Variants in ACP5 observed in about 807,000 individuals in gnomAD.
The protein encoded by ACP5 is tartrate-resistant acid phosphatase type 5.
Under a neutral mutation model 28.7 loss-of-function variants are expected in ACP5, and 24 were observed. The observed-to-expected ratio is 0.84, with a 90% CI of 0.61 to 1.18. The LOEUF (loss-of-function observed/expected upper bound fraction) is 1.18. Ranked by LOEUF, ACP5 falls within the 50% of genes most tolerant of loss-of-function variation. The probability of loss-of-function intolerance (pLI) is 0.00; values close to 1 mark genes in which losing one functional copy is unlikely to be tolerated. For missense variants in ACP5, 354 were observed against 422.2 expected (o/e 0.84, Z 1.42); for synonymous variants, 154 against 181.4 (o/e 0.85, Z 1.21).
chr19:11,575,159 C>A lies in ACP5; in HGVS notation c.829G>T (p.Gly277Cys). Residue 277 changes from glycine to cysteine, a missense_variant, in exon 5 of 5, where the codon GGC becomes TGC. Gly to Cys is a radical substitution (Grantham distance 159). Coordinates refer to ENST00000648477, the MANE Select transcript of ACP5 (RefSeq NM_001611.5). ...SKRHQRKVPNGYLRFHYGTED... is the reference protein window; with the variant it reads ...SKRHQRKVPNCYLRFHYGTED... ...GTCCCATAGTGGAAGCGCAGATAGC[C>A]GTTGGGGACCTTGCGCTGGTGCCGC... 2 of 1,614,172 alleles carry A rather than the reference C, an allele frequency of 1.2e-6. No individual in the cohort carries two copies. Among genetic ancestry groups the A allele is most frequent in the Non-Finnish European group, 8.5e-7 (1 of 1,180,042 alleles).
upstream of ACP5, chr19:11,577,732 T>C: frequency 1.1e-5 from 3 of 272,284 alleles, no homozygotes; most frequent in African/African-American, 2.2e-5. The surrounding 1 kb of genome is among the most constrained non-coding windows in gnomAD (Gnocchi z 5.7). Context: ...CCGAGGGCTG[T>C]CCCGGGAGCC....
rs942828711 is a variant in ACP5, at chr19:11,577,526, G to A, written c.-1+67C>T. On this transcript the variant is annotated intron_variant, in intron 1 of 4. Transcript: ENST00000648477. This position sits in a 1 kb window ranked among gnomAD's most constrained non-coding sequence, Gnocchi z 5.7. ...AGGGGGGCGCGGTCTGTGAGAGGGC[G>A]AGCTGTACCAAGATGGCCCTGCAGG... The A allele has an allele frequency of 1.7e-5, 11 of 639,350 alleles. No homozygotes were observed. The highest frequency in any genetic ancestry group is 9.0e-5 in the African/African-American group (5 of 55,468). 39.6% of individuals were successfully genotyped at this position (639,350 alleles called of 1,614,324 possible).
In ACP5 at chr19:11,577,122, T is replaced by A; in HGVS notation, c.196A>T (p.Ile66Phe). 6.2e-7 allele frequency: 1 copy of A among 1,614,136 alleles called. No homozygotes were observed. Among genetic ancestry groups the A allele is most frequent in the Non-Finnish European group, 8.5e-7 (1 of 1,180,018 alleles). Residue 66 changes from isoleucine to phenylalanine, a missense_variant, in exon 2 of 5, where the codon ATC (isoleucine) becomes TTC (phenylalanine). Transcript: ENST00000648477. This position sits in a 1 kb window ranked among gnomAD's most constrained non-coding sequence, Gnocchi z 5.7. ...RTVQILGADF[I>F]LSLGDNFYFT... ...TAAAAATTGTCCCCTAGAGACAGGATGAAGTCTGCACCCAGGATCTGCACA... is the reference window on the plus strand; with the variant it reads ...TAAAAATTGTCCCCTAGAGACAGGAAGAAGTCTGCACCCAGGATCTGCACA...
Position 11,576,319 on chromosome 19 carries a change from A to T in ACP5, c.659T>A (p.Leu220Gln). 6.2e-7 allele frequency: 1 copy of T among 1,611,680 alleles called. No individual in the cohort carries two copies. Residue 220 changes from leucine (L) to glutamine (Q), a missense_variant, in exon 4 of 5, where the codon CTG becomes CAG. Physicochemically the swap from Leu to Gln is moderately radical, Grantham distance 113. Transcript: ENST00000648477. ...CAGCAGTGGCCGTAGCTGCTTGACCAGGCAGTGGGTAGGCCCGTGCTCGGC... is the reference window on the plus strand; with the variant it reads ...CAGCAGTGGCCGTAGCTGCTTGACCTGGCAGTGGGTAGGCCCGTGCTCGGC... ...SIAEHGPTHC[L>Q]VKQLRPLLAT... is the part of the protein sequence containing the mutation.
chr19:11,577,321 G>A lies in ACP5; in HGVS notation c.1-4C>T, dbSNP rs762234725. ...GCAGCGCCGTCCACATGTCCATCTG[G>A]GAGAAGAGAGACAAGCATAGGTGGC... On this transcript the variant is annotated splice_region_variant and splice_polypyrimidine_tract_variant and intron_variant, in intron 1 of 4. Coordinates refer to ENST00000648477, the MANE Select transcript of ACP5 (RefSeq NM_001611.5). The surrounding 1 kb of genome is among the most constrained non-coding windows in gnomAD (Gnocchi z 5.7). The A allele has an allele frequency of 1.2e-6, 2 of 1,613,488 alleles. No homozygotes were observed. The highest frequency in any genetic ancestry group is 3.3e-5 in the Admixed American group (2 of 59,912).
chr19:11,575,902 G>C (rs1165043131), intron 4 of ACP5, among the ~76,000 whole-genome samples: 1 of 150,986 alleles, frequency 6.6e-6, no homozygotes, highest in East Asian at 1.9e-4. Context: ...TACTCTGGAG[G>C]CTGAAGTGGG....
chr19:11,575,450 G>A (rs930927302), intron 4 of ACP5, 198 bp from the exon 5 acceptor site: 13 of 651,846 alleles, frequency 2.0e-5, no homozygotes, highest in African/African-American at 2.0e-4. Flanking sequence ...GTGGCCAGGT[G>A]TGGTGGCTCA....
In ACP5 at chr19:11,575,287, A is replaced by G. The variant is rs184900834; in HGVS notation, c.736-35T>C. 9 of 1,612,450 alleles carry G rather than the reference A, an allele frequency of 5.6e-6. No homozygotes were observed. In the Admixed American group the frequency reaches 1.2e-4, roughly 21 times the overall value. ...GAGGACAAGGGGTCAGTGGAGACCC[A>G]GCTTTGAGCAGAGCCCTGCCTAAGG... is the stretch of plus-strand genomic sequence containing the variant. On this transcript the variant is annotated intron_variant, in intron 4 of 4. Transcript: ENST00000648477.
Position 11,574,954 on chromosome 19 carries a change from G to C in ACP5, c.*56C>G. On this transcript the variant is annotated 3_prime_UTR_variant, in exon 5 of 5. Transcript: ENST00000648477. ...CCTGCCTGTGAGCAGGGTCCCGGCA[G>C]GGCCCACCCACCCAACAGTGGAGAT... is the stretch of plus-strand genomic sequence containing the variant. 6.2e-7 allele frequency: 1 copy of C among 1,610,464 alleles called. No homozygotes were observed. The highest frequency in any genetic ancestry group is 8.5e-7 in the Non-Finnish European group (1 of 1,177,782).
At position 11,576,800 on chromosome 19, in the gene ACP5, A is replaced by G. The variant is rs748777525; in HGVS notation, c.305T>C (p.Val102Ala). The change falls in exon 3 of 5, where the codon GTG becomes GCG. Residue 102 changes from valine to alanine, a missense_variant. Coordinates refer to ENST00000648477, the MANE Select transcript of ACP5 (RefSeq NM_001611.5). ...DVFSDRSLRK[V>A]PWYVLAGNHD... is the part of the protein sequence containing the mutation. The stretch of plus-strand genomic sequence containing the variant: ...GTTTCCGGCTAGCACGTACCAGGGC[A>G]CTTTGCGAAGGGAGCGGTCAGAGAA... 3 of 1,614,142 alleles carry G rather than the reference A, an allele frequency of 1.9e-6. No individual in the cohort carries two copies. Among genetic ancestry groups the G allele is most frequent in the Non-Finnish European group, 2.5e-6 (3 of 1,180,014 alleles).
chr19:11,576,201 A>G, intron 4 of ACP5, 42 bp downstream of exon 4: 1 of 1,567,926 alleles, frequency 6.4e-7, no homozygotes. Flanking sequence ...TGGGATGGGG[A>G]CCCCCCTCAC....
chr19:11,577,440 C>T lies in ACP5; in HGVS notation c.1-123G>A. On this transcript the variant is annotated intron_variant, in intron 1 of 4. Transcript: ENST00000648477. This position sits in a 1 kb window ranked among gnomAD's most constrained non-coding sequence, Gnocchi z 5.7. ...CTGCAGGCTGCCCCTGCGGGAACCC[C>T]TTGGTGCCCTAATTCTCAGGACACA... 4.5e-6 allele frequency: 5 copies of T among 1,107,640 alleles called. No homozygotes were observed. Among genetic ancestry groups the T allele is most frequent in the Non-Finnish European group, 6.7e-6 (5 of 750,722 alleles). The allele number at this position is 1,107,640 out of a possible 1,614,324, so 68.6% of individuals were successfully genotyped here.
Position 11,576,446 on chromosome 19 carries a change from C to T in ACP5, c.532G>A (p.Val178Met), listed in dbSNP as rs144617874. The change falls in exon 4 of 5, where the codon GTG becomes ATG. Residue 178 changes from valine (V) to methionine (M), a missense_variant. Val to Met is a conservative substitution (Grantham distance 21). Transcript: ENST00000648477. Reference protein sequence around the residue: ...LSQQPERPRDVKLARTQLSWL... With the variant: ...LSQQPERPRDMKLARTQLSWL... ...GACAGCTGTGTGCGGGCCAGCTTCA[C>T]GTCTCGGGGCCTCTCAGGCTGCTGG... The T allele has an allele frequency of 5.9e-5, 96 of 1,614,120 alleles. No homozygotes were observed. Among genetic ancestry groups the T allele is most frequent in the East Asian group, 8.9e-5 (4 of 44,888 alleles).
At position 11,576,456 on chromosome 19, in the gene ACP5, C is replaced by T. The variant is rs376767095; in HGVS notation, c.522G>A (p.Arg174=). 2.5e-5 allele frequency: 40 copies of T among 1,614,026 alleles called. No homozygotes were observed. Among genetic ancestry groups the T allele is most frequent in the South Asian group, 2.4e-4 (22 of 91,088 alleles). Reference sequence around the variant, plus strand: ...TGCGGGCCAGCTTCACGTCTCGGGGCCTCTCAGGCTGCTGGCTGAGGAAGT... The same window carrying T: ...TGCGGGCCAGCTTCACGTCTCGGGGTCTCTCAGGCTGCTGGCTGAGGAAGT... ...SDDFLSQQPE[R]PRDVKLARTQ... Residue 174 remains arginine (R), a synonymous_variant, in exon 4 of 5, where the codon AGG becomes AGA. Transcript: ENST00000648477.
rs1187865631 is a variant in ACP5, at chr19:11,576,854, CAGAT to C, written c.262-15_262-12del. On this transcript the variant is annotated splice_polypyrimidine_tract_variant and intron_variant, in intron 2 of 4. Coordinates refer to ENST00000648477, the MANE Select transcript of ACP5 (RefSeq NM_001611.5). ...GTCCTCAAAGGTCTCCTGTAGCAAA[CAGAT>C]AGGGCAGGCCTCTTCCCTGGGGTCA... 9.3e-6 allele frequency: 15 copies of C among 1,614,046 alleles called. No individual in the cohort carries two copies. The highest frequency in any genetic ancestry group is 1.3e-5 in the Non-Finnish European group (15 of 1,180,014).
In ACP5 at chr19:11,577,530, T is replaced by A; in HGVS notation, c.-1+63A>T. On this transcript the variant is annotated intron_variant, in intron 1 of 4. Coordinates refer to ENST00000648477, the MANE Select transcript of ACP5 (RefSeq NM_001611.5). The surrounding 1 kb of genome is among the most constrained non-coding windows in gnomAD (Gnocchi z 5.7). ...GGGCGCGGTCTGTGAGAGGGCGAGC[T>A]GTACCAAGATGGCCCTGCAGGCCCA... The A allele has an allele frequency of 1.6e-6, 1 of 624,244 alleles. No homozygotes were observed. The highest frequency in any genetic ancestry group is 2.9e-6 in the Non-Finnish European group (1 of 349,586). 38.7% of individuals were successfully genotyped at this position (624,244 alleles called of 1,614,324 possible).
At position 11,574,872 on chromosome 19, in the gene ACP5, T is replaced by A. The variant is rs1973067085; in HGVS notation, c.*138A>T. ...CACAAGGGTCATGTGGCACCACAGT[T>A]CATCAGCTGTGTTTCCCCTTCCTGC... On this transcript the variant is annotated 3_prime_UTR_variant, in exon 5 of 5. Coordinates refer to ENST00000648477, the MANE Select transcript of ACP5 (RefSeq NM_001611.5). The A allele has an allele frequency of 1.0e-6, 1 of 956,884 alleles. No individual in the cohort carries two copies. Among genetic ancestry groups the A allele is most frequent in the Non-Finnish European group, 1.6e-6 (1 of 618,354 alleles). The allele number at this position is 956,884 out of a possible 1,614,324, so 59.3% of individuals were successfully genotyped here.
intron 4 of ACP5, 199 bp from the exon 5 acceptor site, chr19:11,575,451 T>A (rs1173824726): frequency 1.4e-5 from 9 of 638,936 alleles, no homozygotes; most frequent in Middle Eastern, 4.2e-4. Context: ...TGGCCAGGTG[T>A]GGTGGCTCAT....
chr19:11,574,818 G>A lies in ACP5; in HGVS notation c.*192C>T. 2.0e-6 allele frequency: 1 copy of A among 507,952 alleles called. No individual in the cohort carries two copies. Among genetic ancestry groups the A allele is most frequent in the South Asian group, 1.8e-5 (1 of 54,826 alleles). The allele number at this position is 507,952 out of a possible 1,614,324, so 31.5% of individuals were successfully genotyped here. ...CACTGTGGCTGGGACACATGTCCAT[G>A]TGTGTTTCACATACGTGGGCATCTG... On this transcript the variant is annotated 3_prime_UTR_variant, in exon 5 of 5. Transcript: ENST00000648477.
Sources: allele counts gnomAD v4.1 joint callset (sites outside exome capture counted in the v4.1 genomes callset), GRCh38; gene constraint gnomAD v4.1.1; non-coding constraint Gnocchi (gnomAD v3.1); transcripts MANE v1.5; gene names NCBI Gene and HGNC (gene_info 2026-07-23, HGNC 2026-07-21).